Variants in ST6GALNAC2 observed in about 807,000 individuals in gnomAD.
ST6GALNAC2 encodes ST6 N-acetylgalactosaminide alpha-2,6-sialyltransferase 2.
Under a neutral mutation model 38.7 loss-of-function variants are expected in ST6GALNAC2, and 42 were observed. The observed-to-expected ratio is 1.09, with a 90% CI of 0.85 to 1.40. ST6GALNAC2 has a LOEUF of 1.40. Among genes scored for constraint, ST6GALNAC2 ranks in the 40% most tolerant of loss-of-function variants. ST6GALNAC2 has a pLI of 0.00. For synonymous variants in ST6GALNAC2, 233 were observed against 209.0 expected, an observed-to-expected ratio of 1.11 and a Z score of -0.99; for missense variants, 506 against 481.7, an observed-to-expected ratio of 1.05 and a Z score of -0.47.
chr17:76,570,385 G>A, intron 6 of ST6GALNAC2, 180 bp downstream of exon 6: 1 of 585,930 alleles, frequency 1.7e-6, no homozygotes, highest in South Asian at 2.0e-5. Context: ...TAGACAAAAA[G>A]TAGAATTTCC....
At chr17:76,583,493 A>G (rs1247196114) in intron 1 of ST6GALNAC2, among the ~76,000 whole-genome samples, 1 of 152,054 alleles carries the variant, frequency 6.6e-6, no homozygotes, top group Non-Finnish European at 1.5e-5. Flanking sequence ...AGCCTGGGTG[A>G]CAGAGTGAGA....
At chr17:76,572,828 C>A in intron 4 of ST6GALNAC2, 53 bp from the exon 5 acceptor site, 2 of 1,607,462 alleles carry the variant, frequency 1.2e-6, no homozygotes, top group South Asian at 2.2e-5. Flanking sequence ...GCCGTCTGTT[C>A]TGCTTCCATC....
At chr17:76,578,663 A>G (rs2143312998) in intron 2 of ST6GALNAC2, 93 bp downstream of exon 2, 1 of 1,230,472 alleles carries the variant, frequency 8.1e-7, no homozygotes, top group Non-Finnish European at 1.2e-6. Context: ...CCTGCCCAGC[A>G]ATCTCATGAG....
At chr17:76,572,496 C>T (rs938115609) in intron 5 of ST6GALNAC2, 141 bp downstream of exon 5, 4 of 974,452 alleles carry the variant, frequency 4.1e-6, no homozygotes, top group South Asian at 1.6e-5. Flanking sequence ...CCTTCAGTGG[C>T]TGTATCTTGC....
rs529658694 is a variant in ST6GALNAC2, at chr17:76,572,988, C to A, written c.530+207G>T. ...GAGTGGGTAGAGCTGGCCCTGGCGGCTGCTTCCTCCTGGGTCCCCTGCATG... is the reference window on the plus strand; with the variant it reads ...GAGTGGGTAGAGCTGGCCCTGGCGGATGCTTCCTCCTGGGTCCCCTGCATG... On this transcript the variant is annotated intron_variant, in intron 4 of 8. Transcript: ENST00000225276. 2.6e-5 allele frequency among the ~76,000 whole-genome samples: 4 copies of A among 152,282 alleles called. No homozygotes were observed. The South Asian group carries it at 8.3e-4, about 32-fold the overall frequency.
chr17:76,580,511 C>T (rs1427902031), intron 1 of ST6GALNAC2, among the ~76,000 whole-genome samples: 7 of 151,702 alleles, frequency 4.6e-5, no homozygotes, highest in African/African-American at 7.3e-5. Context: ...CTGGCTAACA[C>T]GGTAAAACCC....
At chr17:76,567,416 C>T (rs933376855) in intron 8 of ST6GALNAC2, 37 bp downstream of exon 8, 4 of 1,468,592 alleles carry the variant, frequency 2.7e-6, no homozygotes, top group Middle Eastern at 1.7e-4. Flanking sequence ...ATCCTGTGTT[C>T]TGCCGGCATG....
chr17:76,585,720 G>C lies in ST6GALNAC2; in HGVS notation c.89C>G (p.Ala30Gly). 1 of 1,537,300 alleles carries C rather than the reference G, an allele frequency of 6.5e-7. No homozygotes were observed. Among genetic ancestry groups the C allele is most frequent in the Non-Finnish European group, 8.7e-7 (1 of 1,144,610 alleles). The change falls in exon 1 of 9, where the codon GCG becomes GGG. Residue 30 changes from alanine (A) to glycine (G), a missense_variant. Physicochemically the swap from Ala to Gly is moderately conservative, Grantham distance 60. Transcript: ENST00000225276. ...SGLLFALYFS[A>G]VQRYPGPAAG... is the part of the protein sequence containing the mutation. ...CGCTGGCCCCGGGTACCGCTGCACC[G>C]CCGAGAAGTACAGGGCAAAGAGGAG...
In ST6GALNAC2 at chr17:76,568,742, A is replaced by G. The variant is rs2143290111; in HGVS notation, c.828T>C (p.His276=). The G allele has an allele frequency of 6.2e-7, 1 of 1,613,600 alleles. No homozygotes were observed. Among genetic ancestry groups the G allele is most frequent in the Non-Finnish European group, 8.5e-7 (1 of 1,179,952 alleles). The change falls in exon 7 of 9, where the codon CAT becomes CAC. Residue 276 remains histidine (H), a synonymous_variant. Transcript: ENST00000225276. ...EASASKFKLL[H]PDFISYLTER... ...CTGTCAGGTAGCTGATGAAGTCCGG[A>G]TGTAGCAGCTTGAATTTACTGGCAG...
rs1395512455 is a variant in ST6GALNAC2, at chr17:76,566,069, A to G, written c.*35T>C. ...GCCACTTGAGAGGATCAGGGCCGCA[A>G]CTCTTGAAGAAGCAAAGGGCTCAGT... On this transcript the variant is annotated 3_prime_UTR_variant, in exon 9 of 9. Coordinates refer to ENST00000225276, the MANE Select transcript of ST6GALNAC2 (RefSeq NM_006456.3). The G allele has an allele frequency of 6.3e-6, 10 of 1,589,298 alleles. No individual in the cohort carries two copies. The highest frequency in any genetic ancestry group is 8.6e-6 in the Non-Finnish European group (10 of 1,167,904).
chr17:76,581,324 A>G (rs1411741519), intron 1 of ST6GALNAC2, among the ~76,000 whole-genome samples: 1 of 151,866 alleles, frequency 6.6e-6, no homozygotes, highest in African/African-American at 2.4e-5. Context: ...TGCTCAGCCT[A>G]GGTTGCCTAT....
chr17:76,581,450 C>T (rs1325198348), intron 1 of ST6GALNAC2, among the ~76,000 whole-genome samples: 1 of 152,212 alleles, frequency 6.6e-6, no homozygotes, highest in Non-Finnish European at 1.5e-5. Context: ...CCTACCCTCC[C>T]ACCCCAACCA....
At chr17:76,570,008 C>T (rs1567927665) in intron 6 of ST6GALNAC2, 2 of 166,096 alleles carry the variant, frequency 1.2e-5, no homozygotes, top group Middle Eastern at 2.4e-3. Context: ...AGAGCTGGAC[C>T]CAGGCCTGCT....
intron 5 of ST6GALNAC2, 191 bp from the exon 6 acceptor site, chr17:76,570,859 G>C (rs2075345771): frequency 1.8e-6 from 1 of 568,690 alleles, no homozygotes. Flanking sequence ...TCCTTCAGGA[G>C]GTGGCACCCA....
chr17:76,570,207 G>T (rs1043596887), intron 6 of ST6GALNAC2: 1 of 263,194 alleles, frequency 3.8e-6, no homozygotes, highest in East Asian at 9.3e-5. Context: ...ACCCAGCCCA[G>T]TCTGTGACCC....
Position 76,572,791 on chromosome 17 carries a change from G to C in ST6GALNAC2, c.531-16C>G. 6.2e-7 allele frequency: 1 copy of C among 1,613,840 alleles called. No individual in the cohort carries two copies. The highest frequency in any genetic ancestry group is 2.2e-5 in the East Asian group (1 of 44,878). ...TCCATTGAGTCTGGTTGGCACAGAGGCCCATCAGTGTCTGCGGTTACACCA... is the reference window on the plus strand; with the variant it reads ...TCCATTGAGTCTGGTTGGCACAGAGCCCCATCAGTGTCTGCGGTTACACCA... On this transcript the variant is annotated splice_polypyrimidine_tract_variant and intron_variant, in intron 4 of 8. Transcript: ENST00000225276.
Position 76,573,159 on chromosome 17 carries a change from T to TCCCAACCCCCCC in ST6GALNAC2, c.530+35_530+36insGGGGGGGTTGGG. The TCCCAACCCCCCC allele has an allele frequency of 6.5e-7, 1 of 1,530,320 alleles. No homozygotes were observed. The allele number at this position is 1,530,320 out of a possible 1,614,324, so 94.8% of individuals were successfully genotyped here. ...GACACCCCCACCCTCCAGGCAACTC[T>TCCCAACCCCCCC]CCCTCCCGCCCCTCCCCAGCTCCTA... On this transcript the variant is annotated intron_variant, in intron 4 of 8. Transcript: ENST00000225276. This position sits in a 1 kb window ranked among gnomAD's most constrained non-coding sequence, Gnocchi z 5.1.
chr17:76,567,404 T>TTATCCTGTG (rs1226269327), intron 8 of ST6GALNAC2, 49 bp downstream of exon 8: 1 of 1,364,052 alleles, frequency 7.3e-7, no homozygotes, highest in Non-Finnish European at 1.0e-6. Flanking sequence ...TTGGGTTCTG[T>TTATCCTGTG]TATCCTGTGT....
intron 1 of ST6GALNAC2, among the ~76,000 whole-genome samples, chr17:76,584,033 TCAG>T (rs1567936540): frequency 1.4e-5 from 1 of 71,896 alleles, no homozygotes; most frequent in African/African-American, 4.3e-5. Context: ...GAAAGCCAGG[TCAG>T]GAGGATCTCC....
Sources: allele counts gnomAD v4.1 joint callset (sites outside exome capture counted in the v4.1 genomes callset), GRCh38; gene constraint gnomAD v4.1.1; non-coding constraint Gnocchi (gnomAD v3.1); transcripts MANE v1.5; gene names NCBI Gene and HGNC (gene_info 2026-07-23, HGNC 2026-07-21).